KANK1: variants seen among roughly 807,000 people sequenced by gnomAD.
KANK1 encodes KN motif and ankyrin repeat domain-containing protein 1.
Under a neutral mutation model 106.2 loss-of-function variants are expected in KANK1, and 109 were observed. That is an observed-to-expected ratio of 1.03 (90% CI 0.88 to 1.20). The LOEUF (loss-of-function observed/expected upper bound fraction) is 1.20, where lower values mean the gene tolerates loss of function less well. Ranked by LOEUF, KANK1 falls within the 50% of genes most tolerant of loss-of-function variation. The pLI, the probability that KANK1 is intolerant of heterozygous loss-of-function variation, is 0.00. For missense variants in KANK1, 2,399 were observed against 1,710.7 expected, an observed-to-expected ratio of 1.40 and a Z score of -7.10; for synonymous variants, 873 against 652.2, an observed-to-expected ratio of 1.34 and a Z score of -5.16.
At chr9:633,216 G>C (rs948448372) in intron 1 of KANK1, among the ~76,000 whole-genome samples, 1 of 152,128 alleles carries the variant, frequency 6.6e-6, no homozygotes, top group African/African-American at 2.4e-5. Flanking sequence ...CCAGCACTTT[G>C]AGAGCCGAGG....
At chr9:564,872 C>T (rs1022005634) in intron 1 of KANK1, among the ~76,000 whole-genome samples, 3 of 152,232 alleles carry the variant, frequency 2.0e-5, no homozygotes, top group Admixed American at 1.3e-4. Context: ...TTTTTGGCTT[C>T]TCTTGGGAAG....
At chr9:609,016 C>T (rs754456412) in intron 1 of KANK1, among the ~76,000 whole-genome samples, 19 of 152,194 alleles carry the variant, frequency 1.2e-4, no homozygotes, top group Non-Finnish European at 2.8e-4. Context: ...TGTTCAGTTA[C>T]CCTTTGGGAC....
At chr9:498,661 A>G (rs906952974) in intron 3 of KANK1, among the ~76,000 whole-genome samples, 3 of 152,264 alleles carry the variant, frequency 2.0e-5, no homozygotes, top group Non-Finnish European at 2.9e-5. Flanking sequence ...GAAAATATAC[A>G]AATGGCCAAT....
chr9:700,143 T>C (rs1822287038), intron 2 of KANK1, among the ~76,000 whole-genome samples: 1 of 152,240 alleles, frequency 6.6e-6, no homozygotes, highest in Non-Finnish European at 1.5e-5. Context: ...AATGCCTGAA[T>C]GAACGGGTTT....
chr9:680,078 G>A (rs865840750), intron 2 of KANK1, among the ~76,000 whole-genome samples: 8 of 152,258 alleles, frequency 5.3e-5, no homozygotes, highest in African/African-American at 9.6e-5. Context: ...TAAGCTATTT[G>A]GGTTTAGTAG....
chr9:643,816 C>T (rs1194750205), intron 1 of KANK1, among the ~76,000 whole-genome samples: 2 of 150,442 alleles, frequency 1.3e-5, no homozygotes, highest in Admixed American at 6.6e-5. Context: ...AATTCTCCTG[C>T]CTCAGCCTCC....
intron 1 of KANK1, among the ~76,000 whole-genome samples, chr9:546,662 C>T (rs1381520076): frequency 1.3e-5 from 2 of 151,872 alleles, no homozygotes; most frequent in East Asian, 1.9e-4. Context: ...TTCCCTCTCC[C>T]ACCCCCACTC....
chr9:566,540 T>C (rs533006630), intron 1 of KANK1, among the ~76,000 whole-genome samples: 17 of 152,246 alleles, frequency 1.1e-4, no homozygotes, highest in Non-Finnish European at 2.2e-4. Context: ...GATTTCTTGA[T>C]AATAGCCATT....
intron 3 of KANK1, among the ~76,000 whole-genome samples, chr9:720,556 A>T (rs758309442): frequency 1.3e-5 from 2 of 152,154 alleles, no homozygotes; most frequent in African/African-American, 4.8e-5. Flanking sequence ...GGGTCTCACT[A>T]TGTTGCTCAG....
intron 1 of KANK1, among the ~76,000 whole-genome samples, chr9:517,586 G>T (rs886267680): frequency 6.6e-6 from 1 of 151,534 alleles, no homozygotes; most frequent in East Asian, 1.9e-4. Context: ...TGTGCCTATA[G>T]AGCTTTTTCA....
At chr9:629,750 T>C (rs1313350701) in intron 1 of KANK1, among the ~76,000 whole-genome samples, 1 of 152,152 alleles carries the variant, frequency 6.6e-6, no homozygotes, top group East Asian at 1.9e-4. Context: ...TATACGTATG[T>C]AGAGAGAATT....
intron 1 of KANK1, among the ~76,000 whole-genome samples, chr9:580,500 C>G (rs927867719): frequency 6.6e-6 from 1 of 152,342 alleles, no homozygotes; most frequent in African/African-American, 2.4e-5. Flanking sequence ...TCCATTTTGA[C>G]AGGGTGCTGA....
chr9:654,183 C>A (rs1172326903), intron 1 of KANK1, among the ~76,000 whole-genome samples: 1 of 152,174 alleles, frequency 6.6e-6, no homozygotes, highest in African/African-American at 2.4e-5. Flanking sequence ...CCTGAAGAGT[C>A]TCTGATTCAG....
intron 1 of KANK1, among the ~76,000 whole-genome samples, chr9:674,693 G>T (rs933424531): frequency 1.8e-4 from 27 of 152,184 alleles, no homozygotes; most frequent in Admixed American, 1.8e-3. Context: ...AAATAAGACA[G>T]AAGGGGTCTA....
At chr9:503,846 G>C (rs2058615118), upstream of KANK1, among the ~76,000 whole-genome samples, 4 of 152,174 alleles carry the variant, frequency 2.6e-5, no homozygotes, top group Admixed American at 2.6e-4. Flanking sequence ...GAGTATTTGG[G>C]ACTGAACTAG....
intron 1 of KANK1, among the ~76,000 whole-genome samples, chr9:506,412 CA>C (rs1296219716): frequency 7.9e-5 from 12 of 152,242 alleles, no homozygotes; most frequent in African/African-American, 2.6e-4. Context: ...TAGAGACCCA[CA>C]AGTTGGGAAT....
rs1379430217 is a variant in KANK1, at chr9:662,675, T to TTTTTTTTC, written c.-83-14211_-83-14210insTTTCTTTT. Among the ~76,000 whole-genome samples, 5 of 151,726 alleles carry TTTTTTTTC rather than the reference T, an allele frequency of 3.3e-5. No homozygotes were observed. In the East Asian group the frequency reaches 9.7e-4, roughly 29 times the overall value. On this transcript the variant is annotated intron_variant, in intron 1 of 11. Transcript: ENST00000382297. ...CTTATACAAAAGTTAATTTTTTTTT[T>TTTTTTTTC]TTTTGAGACAGGGTCTTGCTCTGTC...
chr9:535,329 C>T (rs1331765708), intron 1 of KANK1, among the ~76,000 whole-genome samples: 1 of 152,144 alleles, frequency 6.6e-6, no homozygotes, highest in Non-Finnish European at 1.5e-5. Context: ...TGCAAAGGCC[C>T]TACGTCTTCC....
At chr9:740,456 C>G (rs140433333) in intron 8 of KANK1, among the ~76,000 whole-genome samples, 109 of 152,296 alleles carry the variant, frequency 7.2e-4, no homozygotes, top group Non-Finnish European at 1.3e-3. Context: ...AGCTGAGTGC[C>G]TAGATTCCAA....
Sources: gnomAD v4.1 joint callset for allele counts (sites outside exome capture counted in the v4.1 genomes callset) on GRCh38, gnomAD v4.1.1 for gene constraint, MANE v1.5 for transcripts, NCBI Gene and HGNC (gene_info 2026-07-23, HGNC 2026-07-21) for gene names.